NT5DC1: variants seen among roughly 807,000 people sequenced by gnomAD.
NT5DC1 encodes the protein 5'-nucleotidase domain containing 1.
NT5DC1 carries 42 observed loss-of-function variants against 59.4 expected under a neutral mutation model. The observed-to-expected ratio is 0.71, with a 90% CI of 0.55 to 0.92. NT5DC1 has a LOEUF of 0.92. Among genes scored for constraint, NT5DC1 ranks in the 40% least tolerant of loss-of-function variants. The pLI is 0.00. For missense variants in NT5DC1, 501 were observed against 537.1 expected (o/e 0.93, Z 0.66); for synonymous variants, 172 against 188.1 (o/e 0.91, Z 0.70).
chr6:116,178,116 T>TGCGCGC (rs1780792977), intron 6 of NT5DC1, among the ~76,000 whole-genome samples: 1 of 148,724 alleles, frequency 6.7e-6, no homozygotes, highest in African/African-American at 2.6e-5. Flanking sequence ...CGTGCGTGTG[T>TGCGCGC]GTGTGTGTGT....
chr6:116,174,516 A>G (rs1472740077), intron 6 of NT5DC1, among the ~76,000 whole-genome samples: 1 of 152,254 alleles, frequency 6.6e-6, no homozygotes, highest in Non-Finnish European at 1.5e-5. Flanking sequence ...TATAAAATTT[A>G]GAGTGCCAAT....
Position 116,117,936 on chromosome 6 carries a change from G to C in NT5DC1, c.520G>C (p.Ala174Pro). The change falls in exon 6 of 12, where the codon GCT (alanine) becomes CCT (proline). Residue 174 changes from alanine to proline, a missense_variant. Ala to Pro is a conservative substitution (Grantham distance 27). Transcript: ENST00000319550. ...AAIQHNYKMS[A>P]FKENCGIYFP... ...TATACAACACAATTATAAAATGTCA[G>C]CTTTTAAGGGTAAGTATTGTGAAGA... is the stretch of plus-strand genomic sequence containing the variant. 1 of 1,525,936 alleles carries C rather than the reference G, an allele frequency of 6.6e-7. No individual in the cohort carries two copies. Among genetic ancestry groups the C allele is most frequent in the Non-Finnish European group, 9.1e-7 (1 of 1,099,638 alleles). 94.5% of individuals were successfully genotyped at this position (1,525,936 alleles called of 1,614,324 possible).
intron 6 of NT5DC1, among the ~76,000 whole-genome samples, chr6:116,190,580 A>G (rs1179322925): frequency 6.6e-6 from 1 of 151,982 alleles, no homozygotes; most frequent in Non-Finnish European, 1.5e-5. Flanking sequence ...GAGAGGGAAA[A>G]GATGACAGTG....
intron 6 of NT5DC1, among the ~76,000 whole-genome samples, chr6:116,196,474 T>C (rs933184078): frequency 6.6e-6 from 1 of 152,058 alleles, no homozygotes; most frequent in Non-Finnish European, 1.5e-5. Flanking sequence ...GTGATTAGTT[T>C]GATCTAGGGA....
At chr6:116,105,660 A>G (rs897284118) in intron 1 of NT5DC1, among the ~76,000 whole-genome samples, 4 of 152,096 alleles carry the variant, frequency 2.6e-5, no homozygotes, top group African/African-American at 9.7e-5. Context: ...AGCAATCAAC[A>G]GAGTATTTAT....
At chr6:116,113,823 G>A (rs975796806) in intron 4 of NT5DC1, among the ~76,000 whole-genome samples, 2 of 152,174 alleles carry the variant, frequency 1.3e-5, no homozygotes, top group African/African-American at 4.8e-5. Context: ...AAAAGCAAGG[G>A]TATGTAACTG....
At chr6:116,214,574 A>G (rs926969324) in intron 6 of NT5DC1, among the ~76,000 whole-genome samples, 1 of 152,104 alleles carries the variant, frequency 6.6e-6, no homozygotes, top group Non-Finnish European at 1.5e-5. Context: ...TTAGAAATGC[A>G]CATCTTCAGG....
chr6:116,105,027 A>G (rs909922912), intron 1 of NT5DC1, among the ~76,000 whole-genome samples: 3 of 152,222 alleles, frequency 2.0e-5, no homozygotes, highest in African/African-American at 7.2e-5. Context: ...TAGTGTTAAC[A>G]TAATGTGGTT....
chr6:116,140,045 C>G (rs1461650371), intron 6 of NT5DC1, among the ~76,000 whole-genome samples: 1 of 152,118 alleles, frequency 6.6e-6, no homozygotes, highest in African/African-American at 2.4e-5. Flanking sequence ...TGTAAGGAAA[C>G]TGAAGCCCAA....
intron 6 of NT5DC1, 106 bp from the exon 7 acceptor site, chr6:116,220,948 C>T (rs1464081289): frequency 1.6e-6 from 1 of 619,510 alleles, no homozygotes. Context: ...TTGTTCTTAT[C>T]CTTTTAGTTT....
At chr6:116,107,938 G>A (rs976323986) in intron 2 of NT5DC1, among the ~76,000 whole-genome samples, 13 of 152,032 alleles carry the variant, frequency 8.6e-5, no homozygotes, top group African/African-American at 3.1e-4. Context: ...AAATTGAGAC[G>A]AATTCTAGAG....
intron 6 of NT5DC1, among the ~76,000 whole-genome samples, chr6:116,219,797 A>G (rs1236330440): frequency 5.9e-5 from 9 of 151,922 alleles, no homozygotes; most frequent in Admixed American, 5.2e-4. Flanking sequence ...CCCCGTCTCT[A>G]CTAAAAATAC....
At chr6:116,105,327 G>C (rs1778748371) in intron 1 of NT5DC1, among the ~76,000 whole-genome samples, 1 of 152,118 alleles carries the variant, frequency 6.6e-6, no homozygotes, top group Admixed American at 6.5e-5. Context: ...GATTTCCCCT[G>C]CTCCTCTGCC....
intron 6 of NT5DC1, among the ~76,000 whole-genome samples, chr6:116,212,942 C>A (rs531145878): frequency 7.2e-5 from 11 of 152,146 alleles, no homozygotes; most frequent in Non-Finnish European, 1.3e-4. Context: ...CAGTAGAAAC[C>A]TTTGAGTTAT....
intron 6 of NT5DC1, among the ~76,000 whole-genome samples, chr6:116,177,340 A>C (rs1448636182): frequency 6.6e-6 from 1 of 152,166 alleles, no homozygotes; most frequent in Admixed American, 6.6e-5. Flanking sequence ...ACTTGATAGA[A>C]TATATCCAAA....
rs1289172727 is a variant in NT5DC1 at position 116,248,755 on chromosome 6, C to G, written c.*4731C>G. On this transcript the variant is annotated 3_prime_UTR_variant, in exon 12 of 12. Coordinates refer to ENST00000319550, the MANE Select transcript of NT5DC1 (RefSeq NM_152729.3). ...ACTTCTTAACTGGTTTGGAGGTCCACATAAAGAATAATTGGGGTCTAGAAT... is the reference window on the plus strand; with the variant it reads ...ACTTCTTAACTGGTTTGGAGGTCCAGATAAAGAATAATTGGGGTCTAGAAT... 4.6e-5 allele frequency: 7 copies of G among 152,088 alleles called. No homozygotes were observed. The highest frequency in any genetic ancestry group is 8.8e-5 in the Non-Finnish European group (6 of 68,030). The allele number at this position is 152,088 out of a possible 1,614,324, so 9.4% of individuals were successfully genotyped here.
At chr6:116,241,681 T>C (rs1334291511) in intron 11 of NT5DC1, among the ~76,000 whole-genome samples, 6 of 152,074 alleles carry the variant, frequency 3.9e-5, no homozygotes, top group Non-Finnish European at 8.8e-5. Context: ...CCCAGCACTT[T>C]GGGAGGCCGA....
At chr6:116,105,935 T>C (rs1778758096) in intron 1 of NT5DC1, among the ~76,000 whole-genome samples, 1 of 152,204 alleles carries the variant, frequency 6.6e-6, no homozygotes, top group African/African-American at 2.4e-5. Flanking sequence ...TTAAATAAGT[T>C]TAAAAAGCTT....
intron 6 of NT5DC1, among the ~76,000 whole-genome samples, chr6:116,172,328 T>G (rs1780627676): frequency 6.8e-6 from 1 of 147,700 alleles, no homozygotes; most frequent in African/African-American, 2.5e-5. Context: ...TTTTTTTTTT[T>G]TTTTTTTTTT....
Sources: gnomAD v4.1 joint callset for allele counts (sites outside exome capture counted in the v4.1 genomes callset) on GRCh38, gnomAD v4.1.1 for gene constraint, MANE v1.5 for transcripts, NCBI Gene and HGNC (gene_info 2026-07-23, HGNC 2026-07-21) for gene names.